PDSS1: variants seen among roughly 807,000 people sequenced by gnomAD.
PDSS1 encodes decaprenyl diphosphate synthase subunit 1, also known as all trans-polyprenyl-diphosphate synthase PDSS1.
PDSS1 carries 43 observed loss-of-function variants against 57.5 expected under a neutral mutation model. The observed-to-expected ratio is 0.75, with a 90% CI of 0.59 to 0.96. PDSS1 has a LOEUF of 0.96. Among genes scored for constraint, PDSS1 ranks in the 50% least tolerant of loss-of-function variants. The pLI is 0.00. For synonymous variants in PDSS1, 175 were observed against 191.3 expected (o/e 0.91, Z 0.70); for missense variants, 438 against 527.8 (o/e 0.83, Z 1.67).
chr10:26,720,058 A>G (rs1435528477), intron 5 of PDSS1, 160 bp from the exon 6 acceptor site: 16 of 939,282 alleles, frequency 1.7e-5, no homozygotes, highest in Non-Finnish European at 2.6e-5. Context: ...ACATTTGTAA[A>G]TGTATAGAAA....
intron 5 of PDSS1, chr10:26,718,926 G>A (rs749818622): frequency 6.6e-6 from 1 of 152,152 alleles, no homozygotes. Context: ...CTTTCCTCAT[G>A]CTGATTTAGT....
chr10:26,713,539 A>G (rs1162132904), intron 5 of PDSS1, among the ~76,000 whole-genome samples: 2 of 151,988 alleles, frequency 1.3e-5, no homozygotes, highest in East Asian at 1.9e-4. Context: ...TTGACATTGT[A>G]TGCAAAATTT....
chr10:26,733,479 AC>A (rs1836285859), intron 8 of PDSS1, among the ~76,000 whole-genome samples: 2 of 152,124 alleles, frequency 1.3e-5, no homozygotes, highest in East Asian at 3.9e-4. Context: ...CTCAGTGGCC[AC>A]CTGACCCTTT....
chr10:26,726,548 C>G lies in PDSS1; in HGVS notation c.831+2425C>G, dbSNP rs570011879. Among the ~76,000 whole-genome samples the G allele has an allele frequency of 1.3e-3, 191 of 152,064 alleles. 1 individual carries two copies. The highest frequency in any genetic ancestry group is 2.3e-3 in the Non-Finnish European group (157 of 67,978). On this transcript the variant is annotated intron_variant, in intron 8 of 11. Coordinates refer to ENST00000376215, the MANE Select transcript of PDSS1 (RefSeq NM_014317.5). ...TGCATGCAAAGCAAATTAGACACAC[C>G]AAAAAGAGGGGAGGAGGAGAACTGA... is the stretch of plus-strand genomic sequence containing the variant.
intron 2 of PDSS1, among the ~76,000 whole-genome samples, chr10:26,703,809 C>T (rs972625319): frequency 3.9e-5 from 6 of 151,978 alleles, no homozygotes; most frequent in Admixed American, 6.6e-5. Context: ...GCGCCGGGCG[C>T]GGTGGCTCAC....
Position 26,712,609 on chromosome 10 carries a change from G to T in PDSS1, c.467+2841G>T, listed in dbSNP as rs1273462338. On this transcript the variant is annotated intron_variant, in intron 5 of 11. Coordinates refer to ENST00000376215, the MANE Select transcript of PDSS1 (RefSeq NM_014317.5). ...TTCCTGACAATACTTGCTTTCTGTG[G>T]ACTCTTCTGGATCGGGCACTTAAAG... is the stretch of plus-strand genomic sequence containing the variant. Among the ~76,000 whole-genome samples, 11 of 99,110 alleles carry T rather than the reference G, an allele frequency of 1.1e-4. 4 individuals are homozygous for T. The Admixed American group carries it at 1.3e-3, about 12-fold the overall frequency. The allele number at this position is 99,110 out of a possible 152,430, so 65.0% of individuals were successfully genotyped here.
At chr10:26,728,736 A>C (rs909937159) in intron 8 of PDSS1, among the ~76,000 whole-genome samples, 10 of 150,232 alleles carry the variant, frequency 6.7e-5, no homozygotes, top group Non-Finnish European at 1.5e-4. Flanking sequence ...GGAAGCTCTT[A>C]ACTGTATGGG....
At position 26,723,806 on chromosome 10, in the gene PDSS1, G is replaced by A; in HGVS notation, c.610G>A (p.Ala204Thr). ...TVNKIWGEKKAVLAGDLILSA... is the reference protein window; with the variant it reads ...TVNKIWGEKKTVLAGDLILSA... ...CTGTTTTCCCCCTGTCTTTTTCTAG[G>A]CTGTTCTTGCTGGAGATTTAATTCT... Residue 204 changes from alanine to threonine, a missense_variant and splice_region_variant, in exon 7 of 12, where the codon GCT becomes ACT. Ala to Thr is a moderately conservative substitution (Grantham distance 58). Around this residue, in one of 2 missense-constraint regions of PDSS1, gnomAD observed 284 missense variants for 390.7 expected, o/e 0.73. Transcript: ENST00000376215. The A allele has an allele frequency of 6.2e-7, 1 of 1,602,160 alleles. No individual in the cohort carries two copies. Among genetic ancestry groups the A allele is most frequent in the South Asian group, 1.1e-5 (1 of 90,868 alleles).
chr10:26,713,290 CA>C (rs1308592869), intron 5 of PDSS1, among the ~76,000 whole-genome samples: 2 of 151,558 alleles, frequency 1.3e-5, no homozygotes, highest in Non-Finnish European at 2.9e-5. Flanking sequence ...GACTCCGTCT[CA>C]AAAAAACCAA....
At chr10:26,740,710 T>TA (rs1359139450) in intron 10 of PDSS1, 25 of 456,604 alleles carry the variant, frequency 5.5e-5, no homozygotes, top group Non-Finnish European at 1.1e-4. Flanking sequence ...AAACACATCT[T>TA]ACCTCTTCCG....
At chr10:26,709,274 T>C (rs555195010) in intron 4 of PDSS1, among the ~76,000 whole-genome samples, 72 of 152,262 alleles carry the variant, frequency 4.7e-4, no homozygotes, top group Middle Eastern at 6.8e-3. Context: ...GTAGAAGAAA[T>C]CCTGGCCAGG....
rs536188928 is a variant in PDSS1, at chr10:26,725,518, T to G, written c.831+1395T>G. Among the ~76,000 whole-genome samples the G allele has an allele frequency of 1.1e-4, 16 of 144,204 alleles. No individual in the cohort carries two copies. In the South Asian group the frequency reaches 2.8e-3, roughly 25 times the overall value. 94.6% of individuals were successfully genotyped at this position (144,204 alleles called of 152,430 possible). ...TTTTATTTCCAAGAAATTATGTGGG[T>G]TTTTTTTTTAAAGTGAGATGGAAGA... On this transcript the variant is annotated intron_variant, in intron 8 of 11. Coordinates refer to ENST00000376215, the MANE Select transcript of PDSS1 (RefSeq NM_014317.5).
At chr10:26,726,866 A>G (rs1213885298) in intron 8 of PDSS1, among the ~76,000 whole-genome samples, 1 of 152,154 alleles carries the variant, frequency 6.6e-6, no homozygotes, top group Non-Finnish European at 1.5e-5. Flanking sequence ...TTTCAAGACC[A>G]GCCTGGCCAA....
At chr10:26,737,753 G>T (rs551780633) in intron 10 of PDSS1, among the ~76,000 whole-genome samples, 3 of 139,064 alleles carry the variant, frequency 2.2e-5, no homozygotes, top group African/African-American at 5.6e-5. Flanking sequence ...AAAAAAAAAG[G>T]CTGGTTAAAA....
chr10:26,727,962 A>G (rs1176142490), intron 8 of PDSS1, among the ~76,000 whole-genome samples: 1 of 152,158 alleles, frequency 6.6e-6, no homozygotes, highest in Non-Finnish European at 1.5e-5. Flanking sequence ...ATTTGGCAGG[A>G]ATACCACAAG....
At chr10:26,742,436 C>T in intron 10 of PDSS1, 61 bp from the exon 11 acceptor site, 6 of 1,207,060 alleles carry the variant, frequency 5.0e-6, no homozygotes, top group Non-Finnish European at 7.3e-6. Flanking sequence ...AGTGTTAGAA[C>T]ACTTGTTTCT....
At chr10:26,714,422 C>T (rs1385655586) in intron 5 of PDSS1, among the ~76,000 whole-genome samples, 1 of 148,328 alleles carries the variant, frequency 6.7e-6, no homozygotes, top group Non-Finnish European at 1.5e-5. Flanking sequence ...CTGCAGTGAG[C>T]AGAGATTGCG....
intron 10 of PDSS1, among the ~76,000 whole-genome samples, chr10:26,739,996 G>C (rs1187952223): frequency 6.6e-6 from 1 of 152,302 alleles, no homozygotes; most frequent in South Asian, 2.1e-4. Flanking sequence ...CAAAAAATTA[G>C]CTGGGCGTGG....
rs1836907973 is a variant in PDSS1, at chr10:26,746,356, C to G, written c.1131C>G (p.Thr377=). The G allele has an allele frequency of 1.2e-6, 2 of 1,613,982 alleles. No individual in the cohort carries two copies. Among genetic ancestry groups the G allele is most frequent in the Non-Finnish European group, 8.5e-7 (1 of 1,179,978 alleles). ...VLQSDGVQQT[T]YLAQQYCHEA... ...AGAGTGATGGTGTGCAACAAACAAC[C>G]TACCTCGCCCAGCAGTACTGCCATG... Residue 377 remains threonine (T), a synonymous_variant, in exon 12 of 12, where the codon ACC becomes ACG. Coordinates refer to ENST00000376215, the MANE Select transcript of PDSS1 (RefSeq NM_014317.5).
Sources: gnomAD v4.1 joint callset for allele counts (sites outside exome capture counted in the v4.1 genomes callset) on GRCh38, gnomAD v4.1.1 for gene constraint, gnomAD v4.1.1 regional missense constraint, MANE v1.5 for transcripts, NCBI Gene and HGNC (gene_info 2026-07-23, HGNC 2026-07-21) for gene names.